The following XKR4 variants were observed in gnomAD, a reference collection of about 807,000 sequenced individuals.
The protein encoded by XKR4 is XK related 4.
In XKR4, 12 loss-of-function variants were observed where a neutral mutation model predicts 53.9. That is an observed-to-expected ratio of 0.22 (90% confidence interval 0.14 to 0.36). The LOEUF (loss-of-function observed/expected upper bound fraction) is 0.36. XKR4 is among the 10% of genes least tolerant of loss of function. XKR4 has a pLI of 1.00. For synonymous variants in XKR4, 354 were observed against 362.4 expected (o/e 0.98, Z 0.26); for missense variants, 799 against 859.5 (o/e 0.93, Z 0.88).
At chr8:55,427,117 T>C (rs1400841198) in intron 2 of XKR4, among the ~76,000 whole-genome samples, 1 of 152,222 alleles carries the variant, frequency 6.6e-6, no homozygotes, top group Non-Finnish European at 1.5e-5. Context: ...TATATAAACA[T>C]GTATTGGATA....
At chr8:55,424,924 A>C (rs1047942136) in intron 2 of XKR4, among the ~76,000 whole-genome samples, 1 of 152,208 alleles carries the variant, frequency 6.6e-6, no homozygotes, top group Non-Finnish European at 1.5e-5. Flanking sequence ...TTTACATTTA[A>C]TTAGCTGCCA....
At chr8:55,484,246 CA>C (rs1426993684) in intron 2 of XKR4, among the ~76,000 whole-genome samples, 3 of 151,846 alleles carry the variant, frequency 2.0e-5, no homozygotes, top group Admixed American at 6.6e-5. Context: ...AAAATTCTAC[CA>C]AATGTTTAAA....
At chr8:55,458,272 G>A (rs1270531074) in intron 2 of XKR4, among the ~76,000 whole-genome samples, 2 of 152,236 alleles carry the variant, frequency 1.3e-5, no homozygotes, top group East Asian at 3.9e-4. Context: ...GGGTTGGCTT[G>A]TTTACTCAGC....
intron 2 of XKR4, among the ~76,000 whole-genome samples, chr8:55,358,671 T>C (rs1738385423): frequency 6.6e-6 from 1 of 152,232 alleles, no homozygotes; most frequent in African/African-American, 2.4e-5. Flanking sequence ...GAGGGCATTT[T>C]CTAAGGAAAG....
At chr8:55,476,615 A>G (rs1047440859) in intron 2 of XKR4, among the ~76,000 whole-genome samples, 1 of 152,092 alleles carries the variant, frequency 6.6e-6, no homozygotes, top group African/African-American at 2.4e-5. Context: ...CAGGAAGTGC[A>G]AGGGGTCAGG....
At chr8:55,139,880 A>G (rs141326015) in intron 1 of XKR4, among the ~76,000 whole-genome samples, 88 of 152,342 alleles carry the variant, frequency 5.8e-4, no homozygotes, top group Middle Eastern at 3.4e-3. Flanking sequence ...ATCAATAAAA[A>G]ACAATGATAA....
intron 2 of XKR4, among the ~76,000 whole-genome samples, chr8:55,406,967 A>G (rs1804693616): frequency 6.6e-6 from 1 of 152,226 alleles, no homozygotes; most frequent in African/African-American, 2.4e-5. Flanking sequence ...AGGGGTTCTT[A>G]GTAGAAAAGG....
chr8:55,344,559 T>TCTATTTA (rs1042865957), intron 1 of XKR4, among the ~76,000 whole-genome samples: 1 of 152,160 alleles, frequency 6.6e-6, no homozygotes, highest in African/African-American at 2.4e-5. Context: ...TAACCACTGC[T>TCTATTTA]CTATTTACTT....
At chr8:55,382,472 G>A (rs1804249384) in intron 2 of XKR4, among the ~76,000 whole-genome samples, 1 of 152,224 alleles carries the variant, frequency 6.6e-6, no homozygotes, top group Admixed American at 6.5e-5. Context: ...TTGTTTTAGA[G>A]TTTATAGCAA....
Position 55,535,241 on chromosome 8 carries a change from T to C in XKR4, c.*11014T>C, listed in dbSNP as rs1807015336. 1 of 151,798 alleles carries C rather than the reference T, an allele frequency of 6.6e-6. No homozygotes were observed. Among genetic ancestry groups the C allele is most frequent in the Admixed American group, 6.6e-5 (1 of 15,234 alleles). The allele number at this position is 151,798 out of a possible 1,614,324, so 9.4% of individuals were successfully genotyped here. ...TTTTTTTTTTTAATTTTATTATTAT[T>C]ATACTTTAAGTTTTAGGGTACATGT... On this transcript the variant is annotated 3_prime_UTR_variant, in exon 3 of 3. Transcript: ENST00000327381.
chr8:55,289,446 C>G (rs1296604899), intron 1 of XKR4, among the ~76,000 whole-genome samples: 8 of 147,802 alleles, frequency 5.4e-5, no homozygotes. Context: ...ACCCAGGAGG[C>G]AGAGGTTGCA....
At chr8:55,261,865 G>C (rs1161369925) in intron 1 of XKR4, among the ~76,000 whole-genome samples, 2 of 151,722 alleles carry the variant, frequency 1.3e-5, no homozygotes, top group African/African-American at 4.8e-5. Flanking sequence ...AGAAAGAAAA[G>C]GGAAGATTTG....
chr8:55,178,726 C>T (rs1341806719), intron 1 of XKR4, among the ~76,000 whole-genome samples: 2 of 152,160 alleles, frequency 1.3e-5, no homozygotes, highest in African/African-American at 4.8e-5. Context: ...CCTCCATTTC[C>T]TCATTTGCAA....
At chr8:55,502,513 C>A (rs1433361433) in intron 2 of XKR4, among the ~76,000 whole-genome samples, 3 of 152,022 alleles carry the variant, frequency 2.0e-5, no homozygotes, top group Admixed American at 1.3e-4. Context: ...TGCTTATTGG[C>A]CATCTGTGTA....
At chr8:55,401,673 G>C (rs1804603518) in intron 2 of XKR4, among the ~76,000 whole-genome samples, 2 of 152,200 alleles carry the variant, frequency 1.3e-5, no homozygotes, top group Admixed American at 1.3e-4. Context: ...TCAAGCCTGG[G>C]TCCATCTGGG....
chr8:55,385,910 T>C (rs941890039), intron 2 of XKR4, among the ~76,000 whole-genome samples: 3 of 152,198 alleles, frequency 2.0e-5, no homozygotes, highest in Non-Finnish European at 4.4e-5. Flanking sequence ...GTTTTATGGC[T>C]CCTAATTCTT....
intron 2 of XKR4, among the ~76,000 whole-genome samples, chr8:55,360,676 TAGG>T (rs1399590621): frequency 2.0e-5 from 3 of 152,244 alleles, no homozygotes; most frequent in Non-Finnish European, 2.9e-5. Context: ...TACTATTTTT[TAGG>T]ATAGAAGGAA....
intron 1 of XKR4, among the ~76,000 whole-genome samples, chr8:55,150,182 C>G (rs146560983): frequency 6.6e-6 from 1 of 152,318 alleles, no homozygotes; most frequent in African/African-American, 2.4e-5. Flanking sequence ...ATCTACATAA[C>G]TAGGTCTTCA....
intron 1 of XKR4, among the ~76,000 whole-genome samples, chr8:55,132,807 T>C (rs1303888400): frequency 6.6e-6 from 1 of 152,160 alleles, no homozygotes; most frequent in Admixed American, 6.5e-5. Flanking sequence ...AATAGAATTC[T>C]ACTAAAAGGA....
Sources: gnomAD v4.1 joint callset for allele counts (sites outside exome capture counted in the v4.1 genomes callset) on GRCh38, gnomAD v4.1.1 for gene constraint, MANE v1.5 for transcripts, NCBI Gene and HGNC (gene_info 2026-07-23, HGNC 2026-07-21) for gene names.